Variants in KAZN observed in about 807,000 individuals in gnomAD.
KAZN encodes the protein kazrin, periplakin interacting protein.
In KAZN, 40 loss-of-function variants were observed where a neutral mutation model predicts 87.4. That is an observed-to-expected ratio of 0.46 (90% CI 0.36 to 0.60). KAZN has a LOEUF of 0.60. Among genes scored for constraint, KAZN ranks in the 20% least tolerant of loss-of-function variants. KAZN has a pLI of 0.00. For missense variants in KAZN, 898 were observed against 1,073.9 expected, an observed-to-expected ratio of 0.84 and a Z score of 2.29; for synonymous variants, 466 against 458.3, an observed-to-expected ratio of 1.02 and a Z score of -0.22.
At chr1:15,001,870 CTTTT>C (rs34948148) in intron 2 of KAZN, among the ~76,000 whole-genome samples, 30 of 57,746 alleles carry the variant, frequency 5.2e-4, no homozygotes, top group East Asian at 1.6e-3. Context: ...AAGTCAAAAT[CTTTT>C]TTTTTTTTTT....
intron 1 of KAZN, among the ~76,000 whole-genome samples, chr1:14,110,593 C>A (rs1250710970): frequency 1.3e-5 from 1 of 77,750 alleles, no homozygotes; most frequent in Non-Finnish European, 2.6e-5. Flanking sequence ...ATTTGCATGA[C>A]TTGGAATGAT....
chr1:15,101,085 T>C (rs1169018757), intron 10 of KAZN, among the ~76,000 whole-genome samples: 5 of 152,138 alleles, frequency 3.3e-5, no homozygotes, highest in African/African-American at 1.2e-4. Context: ...CCTCGCTGCG[T>C]CTGAGTGTGG....
intron 1 of KAZN, among the ~76,000 whole-genome samples, chr1:13,983,159 G>A (rs756112710): frequency 5.3e-5 from 8 of 152,256 alleles, no homozygotes; most frequent in East Asian, 1.9e-4. Flanking sequence ...CGCGCCCTGC[G>A]CCTGCACTCC....
intron 2 of KAZN, among the ~76,000 whole-genome samples, chr1:14,537,071 G>A (rs1208896839): frequency 1.3e-5 from 2 of 152,142 alleles, no homozygotes; most frequent in Admixed American, 6.5e-5. Flanking sequence ...GCATCCAGAA[G>A]GTACTCAGTA....
chr1:14,213,006 G>T (rs1487868614), intron 2 of KAZN, among the ~76,000 whole-genome samples: 1 of 151,940 alleles, frequency 6.6e-6, no homozygotes, highest in Non-Finnish European at 1.5e-5. Flanking sequence ...TGTTGTTCAG[G>T]AATTAAATGT....
chr1:15,032,489 G>A (rs1334586087), intron 2 of KAZN, among the ~76,000 whole-genome samples: 2 of 151,892 alleles, frequency 1.3e-5, no homozygotes. Context: ...ACCGCGCCCA[G>A]CTGTGGACAT....
intron 2 of KAZN, among the ~76,000 whole-genome samples, chr1:14,274,433 T>TC (rs1398862259): frequency 6.6e-6 from 1 of 152,178 alleles, no homozygotes; most frequent in African/African-American, 2.4e-5. Flanking sequence ...GTTCTGTTGT[T>TC]CCCCATGATA....
chr1:14,559,205 T>A (rs1383962037), intron 2 of KAZN, among the ~76,000 whole-genome samples: 4 of 152,178 alleles, frequency 2.6e-5, no homozygotes, highest in African/African-American at 9.7e-5. Context: ...GGATACTGCA[T>A]GTGTAGAGTT....
In KAZN at chr1:14,346,167, A is replaced by G. The variant is rs146982059; in HGVS notation, c.249+165575A>G. 7.6e-4 allele frequency among the ~76,000 whole-genome samples: 115 copies of G among 152,290 alleles called. 2 individuals carry two copies. The highest frequency in any genetic ancestry group is 6.8e-3 in the Middle Eastern group (2 of 294). On this transcript the variant is annotated intron_variant, in intron 2 of 16. Transcript: ENST00000636203. ...GCTCACAGTGACCCTAGCTGGGCTG[A>G]ATTCCTGGTACTTCCTGTGTGGCTT...
rs553721158 is a variant in KAZN at position 14,868,010 on chromosome 1, G to A, written c.227-92674G>A. Among the ~76,000 whole-genome samples, 14 of 72,264 alleles carry A rather than the reference G, an allele frequency of 1.9e-4. No homozygotes were observed. The South Asian group carries it at 5.3e-3, about 27-fold the overall frequency. The allele number at this position is 72,264 out of a possible 152,430, so 47.4% of individuals were successfully genotyped here. A position where few individuals can be genotyped will look rare whatever the true frequency, so the allele number is the denominator to read the frequency against. ...CATTGGATACACAGGCATCACAAAC[G>A]TGGGCATCACACAGGCATGGCATCG... On this transcript the variant is annotated intron_variant, in intron 1 of 14. Transcript: ENST00000376030.
chr1:15,062,365 C>T (rs1638867294), intron 6 of KAZN: 1 of 152,684 alleles, frequency 6.5e-6, no homozygotes, highest in South Asian at 2.1e-4. Context: ...ATTCTGTTTG[C>T]AAACCTTGAG....
chr1:14,288,547 C>T (rs545019340), intron 2 of KAZN, among the ~76,000 whole-genome samples: 22 of 151,964 alleles, frequency 1.4e-4, no homozygotes, highest in East Asian at 5.8e-4. Flanking sequence ...TTTTTTGTTG[C>T]GTCTATTTGA....
chr1:13,971,519 G>C (rs7543486), intron 1 of KAZN, among the ~76,000 whole-genome samples: 1 of 151,854 alleles, frequency 6.6e-6, no homozygotes, highest in Non-Finnish European at 1.5e-5. Flanking sequence ...CCATCTTCAC[G>C]TGCCTTGGTT....
At chr1:14,957,407 C>G (rs1021120628) in intron 1 of KAZN, among the ~76,000 whole-genome samples, 5 of 152,192 alleles carry the variant, frequency 3.3e-5, no homozygotes, top group African/African-American at 1.2e-4. Flanking sequence ...ACAGACGTTA[C>G]CGAGTGCCCG....
At chr1:14,344,914 CTT>C (rs1036377325) in intron 2 of KAZN, among the ~76,000 whole-genome samples, 2 of 149,888 alleles carry the variant, frequency 1.3e-5, no homozygotes, top group Non-Finnish European at 3.0e-5. Flanking sequence ...GCCATCCCCT[CTT>C]CTTTTTTTTT....
intron 2 of KAZN, among the ~76,000 whole-genome samples, chr1:14,376,907 T>G (rs1047213186): frequency 6.6e-6 from 1 of 152,230 alleles, no homozygotes; most frequent in African/African-American, 2.4e-5. Context: ...GCTATGTATG[T>G]TTTTGTTTGC....
At chr1:14,642,269 G>A (rs1038275072) in intron 1 of KAZN, among the ~76,000 whole-genome samples, 11 of 152,160 alleles carry the variant, frequency 7.2e-5, no homozygotes, top group African/African-American at 1.4e-4. Flanking sequence ...GCGTGGTGGC[G>A]CGTGCCTGTA....
At chr1:14,087,596 G>T (rs1643884230) in intron 1 of KAZN, among the ~76,000 whole-genome samples, 1 of 151,998 alleles carries the variant, frequency 6.6e-6, no homozygotes, top group Admixed American at 6.5e-5. Flanking sequence ...TAGAGTTTTA[G>T]ATATGTTTCA....
intron 1 of KAZN, among the ~76,000 whole-genome samples, chr1:14,622,855 A>T (rs1165914062): frequency 6.6e-6 from 1 of 152,170 alleles, no homozygotes; most frequent in Non-Finnish European, 1.5e-5. Context: ...TTCAGATCTT[A>T]ACTCTGATGC....
Sources: allele counts gnomAD v4.1 joint callset (sites outside exome capture counted in the v4.1 genomes callset), GRCh38; gene constraint gnomAD v4.1.1; transcripts MANE v1.5; gene names NCBI Gene and HGNC (gene_info 2026-07-23, HGNC 2026-07-21).